Variants in PLCB1 observed in about 807,000 individuals in gnomAD.
PLCB1 encodes the protein phospholipase C beta 1.
In PLCB1, 46 loss-of-function variants were observed where a neutral mutation model predicts 161.8. The observed-to-expected ratio is 0.28, with a 90% confidence interval of 0.22 to 0.36. PLCB1 has a LOEUF of 0.36. Among genes scored for constraint, PLCB1 ranks in the 10% least tolerant of loss-of-function variants. The pLI is 1.00. For synonymous variants in PLCB1, 517 were observed against 503.7 expected, an observed-to-expected ratio of 1.03 and a Z score of -0.35; for missense variants, 1,016 against 1,472.5, an observed-to-expected ratio of 0.69 and a Z score of 5.07.
intron 3 of PLCB1, among the ~76,000 whole-genome samples, chr20:8,490,692 T>C (rs1359903315): frequency 6.6e-6 from 1 of 152,168 alleles, no homozygotes; most frequent in African/African-American, 2.4e-5. Context: ...TATTGCAGTA[T>C]GGTTTTAATT....
chr20:8,393,380 T>C lies in PLCB1; in HGVS notation c.246+21930T>C, dbSNP rs544785143. Among the ~76,000 whole-genome samples the C allele has an allele frequency of 3.9e-5, 6 of 152,228 alleles. No homozygotes were observed. In the South Asian group the frequency reaches 1.0e-3, roughly 26 times the overall value. On this transcript the variant is annotated intron_variant, in intron 3 of 31. Coordinates refer to ENST00000338037, the MANE Select transcript of PLCB1 (RefSeq NM_015192.4). ...TTCCTTGGAATACTAATAGATGCTATAAAAATGTCATCTAGGTGTGGTGGC... is the reference window on the plus strand; with the variant it reads ...TTCCTTGGAATACTAATAGATGCTACAAAAATGTCATCTAGGTGTGGTGGC...
chr20:8,263,953 A>G (rs566469582), intron 2 of PLCB1, among the ~76,000 whole-genome samples: 3 of 152,244 alleles, frequency 2.0e-5, no homozygotes, highest in African/African-American at 7.2e-5. Context: ...ATTTTAATAA[A>G]CTTTTCCCCT....
chr20:8,713,211 G>A (rs557519162), intron 12 of PLCB1, among the ~76,000 whole-genome samples: 1 of 152,120 alleles, frequency 6.6e-6, no homozygotes, highest in African/African-American at 2.4e-5. Flanking sequence ...TGTTTGGTTT[G>A]AGGGTCTCAC....
intron 3 of PLCB1, among the ~76,000 whole-genome samples, chr20:8,391,538 C>T (rs1987584197): frequency 6.6e-6 from 1 of 151,748 alleles, no homozygotes; most frequent in African/African-American, 2.4e-5. Context: ...TCAGAGAGAC[C>T]CAGATTCAAA....
At position 8,883,576 on chromosome 20, in the gene PLCB1, T is replaced by A. The variant is rs1261710252; in HGVS notation, c.*1727T>A. ...AACCAATTGTGTCCTGAAAATTGTTTCAAGAATTTAATATTTTTATGAAAA... is the reference window on the plus strand; with the variant it reads ...AACCAATTGTGTCCTGAAAATTGTTACAAGAATTTAATATTTTTATGAAAA... On this transcript the variant is annotated 3_prime_UTR_variant, in exon 32 of 32. Transcript: ENST00000338037. 6.6e-6 allele frequency: 1 copy of A among 152,132 alleles called. No individual in the cohort carries two copies. The highest frequency in any genetic ancestry group is 1.9e-4 in the East Asian group (1 of 5,202). The allele number at this position is 152,132 out of a possible 1,614,324, so 9.4% of individuals were successfully genotyped here. A position where few individuals can be genotyped will look rare whatever the true frequency, so the allele number is the denominator to read the frequency against.
chr20:8,867,201 G>A (rs990217671), intron 31 of PLCB1, among the ~76,000 whole-genome samples: 1 of 152,100 alleles, frequency 6.6e-6, no homozygotes, highest in African/African-American at 2.4e-5. Flanking sequence ...CTAATCCTTG[G>A]TTAATCTTAA....
At chr20:8,679,307 T>C (rs993682713) in intron 9 of PLCB1, among the ~76,000 whole-genome samples, 1 of 152,214 alleles carries the variant, frequency 6.6e-6, no homozygotes, top group African/African-American at 2.4e-5. Flanking sequence ...CCTGAGAAGA[T>C]GAGAGAACCA....
intron 3 of PLCB1, among the ~76,000 whole-genome samples, chr20:8,416,960 AC>A (rs1600386603): frequency 1.3e-5 from 2 of 149,380 alleles, no homozygotes; most frequent in East Asian, 3.9e-4. Context: ...ACACACACAC[AC>A]ACACACACAG....
rs146861073 is a variant in PLCB1 at position 8,588,291 on chromosome 20, A to G, written c.247-40003A>G. Among the ~76,000 whole-genome samples, 453 of 152,318 alleles carry G rather than the reference A, an allele frequency of 3.0e-3. 3 individuals are homozygous for G. The highest frequency in any genetic ancestry group is 0.01 in the African/African-American group (431 of 41,564). On this transcript the variant is annotated intron_variant, in intron 3 of 31. Transcript: ENST00000338037. ...GGAGAAGGGTAGAGTAGCTCACCAT[A>G]GTAGTGGTCTGTCTCTTCAACAAAT... is the stretch of plus-strand genomic sequence containing the variant.
At chr20:8,376,883 A>G (rs1987104980) in intron 3 of PLCB1, among the ~76,000 whole-genome samples, 1 of 151,946 alleles carries the variant, frequency 6.6e-6, no homozygotes, top group Admixed American at 6.6e-5. Flanking sequence ...AGCCAAGATC[A>G]CACCACTGCC....
intron 3 of PLCB1, among the ~76,000 whole-genome samples, chr20:8,413,880 G>GT (rs1296693780): frequency 1.3e-5 from 2 of 152,108 alleles, no homozygotes; most frequent in African/African-American, 4.8e-5. Context: ...ATCATCTGTG[G>GT]TTTTCTAAAC....
At chr20:8,694,407 C>A (rs1329306114) in intron 10 of PLCB1, among the ~76,000 whole-genome samples, 1 of 152,092 alleles carries the variant, frequency 6.6e-6, no homozygotes, top group Non-Finnish European at 1.5e-5. Flanking sequence ...GGACAATAAA[C>A]TCTTTCTCTT....
chr20:8,607,772 T>TCCCATC (rs1184201555), intron 3 of PLCB1, among the ~76,000 whole-genome samples: 9 of 152,224 alleles, frequency 5.9e-5, no homozygotes, highest in African/African-American at 2.2e-4. Context: ...GACACATGTT[T>TCCCATC]TGCCTTCATT....
At chr20:8,691,795 T>G (rs760453047) in intron 10 of PLCB1, among the ~76,000 whole-genome samples, 9 of 152,176 alleles carry the variant, frequency 5.9e-5, no homozygotes, top group Non-Finnish European at 1.0e-4. Context: ...ATTGTATCAT[T>G]GAGAGAAATA....
At chr20:8,783,907 A>G (rs1261396679) in intron 27 of PLCB1, among the ~76,000 whole-genome samples, 1 of 152,128 alleles carries the variant, frequency 6.6e-6, no homozygotes, top group African/African-American at 2.4e-5. Flanking sequence ...CCCCTGGACC[A>G]ATTATCTTGG....
In PLCB1 at chr20:8,167,069, C is replaced by T. The variant is rs575538658; in HGVS notation, c.177+16698C>T. 2.4e-4 allele frequency among the ~76,000 whole-genome samples: 37 copies of T among 152,228 alleles called. No individual in the cohort carries two copies. In the South Asian group the frequency reaches 7.7e-3, roughly 32 times the overall value. Reference sequence around the variant, plus strand: ...GTAACTTGTAGCATTCGCCAATTTCCATGGTGTAAATACTGTAGTGTCTGA... The same window carrying T: ...GTAACTTGTAGCATTCGCCAATTTCTATGGTGTAAATACTGTAGTGTCTGA... On this transcript the variant is annotated intron_variant, in intron 2 of 31. Coordinates refer to ENST00000338037, the MANE Select transcript of PLCB1 (RefSeq NM_015192.4).
chr20:8,836,024 G>A lies in PLCB1; in HGVS notation c.3424-45598G>A, dbSNP rs376332770. Among the ~76,000 whole-genome samples the A allele has an allele frequency of 1.1e-4, 16 of 152,036 alleles. 1 individual carries two copies. The South Asian group carries it at 3.1e-3, about 30-fold the overall frequency. On this transcript the variant is annotated intron_variant, in intron 31 of 31. Coordinates refer to ENST00000338037, the MANE Select transcript of PLCB1 (RefSeq NM_015192.4). Reference sequence around the variant, plus strand: ...AACTGAAGTCTGGCTAGTTGAGGATGGTCTTACCTACCTGGCTGGCAGCTG... The same window carrying A: ...AACTGAAGTCTGGCTAGTTGAGGATAGTCTTACCTACCTGGCTGGCAGCTG...
chr20:8,558,895 C>T (rs899218104), intron 3 of PLCB1, among the ~76,000 whole-genome samples: 10 of 151,720 alleles, frequency 6.6e-5, no homozygotes, highest in African/African-American at 2.4e-4. Context: ...CAGATAAAAG[C>T]TGATAGAGTT....
At chr20:8,756,138 A>G (rs1329282382) in intron 23 of PLCB1, among the ~76,000 whole-genome samples, 5 of 152,128 alleles carry the variant, frequency 3.3e-5, no homozygotes, top group African/African-American at 1.2e-4. Flanking sequence ...CTCCATTTAG[A>G]TTCTGACAAC....
Sources: gnomAD v4.1 joint callset for allele counts (sites outside exome capture counted in the v4.1 genomes callset) on GRCh38, gnomAD v4.1.1 for gene constraint, MANE v1.5 for transcripts, NCBI Gene and HGNC (gene_info 2026-07-23, HGNC 2026-07-21) for gene names.